PIK3CB: variants seen among roughly 807,000 people sequenced by gnomAD.
PIK3CB encodes phosphatidylinositol 4,5-bisphosphate 3-kinase catalytic subunit beta isoform.
In PIK3CB, 39 loss-of-function variants were observed where a neutral mutation model predicts 136.8. The observed-to-expected ratio is 0.29, with a 90% CI of 0.22 to 0.37. The LOEUF (loss-of-function observed/expected upper bound fraction) is 0.37. Among genes scored for constraint, PIK3CB ranks in the 10% least tolerant of loss-of-function variants. The pLI is 1.00. For missense variants in PIK3CB, 868 were observed against 1,275.4 expected (o/e 0.68, Z 4.87); for synonymous variants, 428 against 436.6 (o/e 0.98, Z 0.25).
In PIK3CB at chr3:138,749,920, C is replaced by T. The variant is rs184317484; in HGVS notation, c.397+5834G>A. ...ACAGGGTCTCACTCTGTCGCCCAGG[C>T]TGGAGTGCAGTGGCATGATCACAGC... On this transcript the variant is annotated intron_variant, in intron 4 of 23. Coordinates refer to ENST00000674063, the MANE Select transcript of PIK3CB (RefSeq NM_006219.3). Among the ~76,000 whole-genome samples, 1,522 of 152,280 alleles carry T rather than the reference C, an allele frequency of 1.0e-2. 15 individuals are homozygous for T. The highest frequency in any genetic ancestry group is 0.015 in the Non-Finnish European group (1,041 of 68,022).
chr3:138,767,185 CCAAAAACAAAAA>C (rs1222449172), intron 2 of PIK3CB, among the ~76,000 whole-genome samples: 1 of 151,910 alleles, frequency 6.6e-6, no homozygotes, highest in Non-Finnish European at 1.5e-5. Flanking sequence ...AAAAACGAAA[CCAAAAACAAAAA>C]CAAAAAACAA....
intron 2 of PIK3CB, chr3:138,769,999 C>CTT (rs1491193262): frequency 6.6e-6 from 1 of 152,138 alleles, no homozygotes; most frequent in African/African-American, 2.4e-5. Context: ...TAATTTTCCC[C>CTT]TTTTTCTTTT....
intron 16 of PIK3CB, among the ~76,000 whole-genome samples, chr3:138,687,604 G>C (rs2043921931): frequency 6.6e-6 from 1 of 152,050 alleles, no homozygotes; most frequent in Non-Finnish European, 1.5e-5. Context: ...CAAGTAGCTG[G>C]GACTACAGTT....
intron 1 of PIK3CB, among the ~76,000 whole-genome samples, chr3:138,824,042 A>G (rs1022602299): frequency 1.4e-4 from 21 of 152,178 alleles, no homozygotes; most frequent in African/African-American, 4.8e-4. Flanking sequence ...CACAACTGCC[A>G]TTACTTCTAA....
intron 8 of PIK3CB, among the ~76,000 whole-genome samples, chr3:138,715,251 A>AAAGGCCTAC (rs1318845028): frequency 6.6e-6 from 1 of 152,254 alleles, no homozygotes; most frequent in African/African-American, 2.4e-5. Flanking sequence ...CCTATATATC[A>AAAGGCCTAC]CGGTCCTTTG....
chr3:138,811,935 A>T (rs577280678), intron 1 of PIK3CB, among the ~76,000 whole-genome samples: 12 of 152,170 alleles, frequency 7.9e-5, no homozygotes, highest in Middle Eastern at 3.4e-3. Flanking sequence ...CAAAAATTTT[A>T]AAAAATTAGC....
intron 8 of PIK3CB, among the ~76,000 whole-genome samples, chr3:138,726,227 T>G (rs1667390002): frequency 6.6e-6 from 1 of 152,234 alleles, no homozygotes; most frequent in Non-Finnish European, 1.5e-5. Flanking sequence ...AGGAATAAGC[T>G]TATAAACACA....
chr3:138,712,121 A>G, intron 10 of PIK3CB, 87 bp downstream of exon 10: 3 of 550,594 alleles, frequency 5.4e-6, no homozygotes, highest in South Asian at 6.0e-5. Context: ...TATTAAATTG[A>G]AAGAACGGTG....
intron 1 of PIK3CB, among the ~76,000 whole-genome samples, chr3:138,820,071 TA>T (rs1438358784): frequency 6.6e-6 from 1 of 152,240 alleles, no homozygotes; most frequent in Non-Finnish European, 1.5e-5. Flanking sequence ...GGTTTTCACC[TA>T]TGTGAACTGA....
intron 8 of PIK3CB, among the ~76,000 whole-genome samples, chr3:138,727,410 T>C (rs1486040676): frequency 1.3e-5 from 2 of 152,310 alleles, no homozygotes; most frequent in African/African-American, 2.4e-5. Context: ...ATGAGAAAAT[T>C]TGATGCGTGA....
At chr3:138,829,817 G>A (rs1455977111) in intron 1 of PIK3CB, among the ~76,000 whole-genome samples, 1 of 152,018 alleles carries the variant, frequency 6.6e-6, no homozygotes, top group Non-Finnish European at 1.5e-5. Flanking sequence ...TGCTAGGGAA[G>A]GAATAAGAAT....
At chr3:138,663,303 C>T (rs2043336239) in intron 21 of PIK3CB, among the ~76,000 whole-genome samples, 2 of 152,196 alleles carry the variant, frequency 1.3e-5, no homozygotes. Context: ...ACATTATCCG[C>T]TCCTTCTGTT....
At position 138,714,517 on chromosome 3, in the gene PIK3CB, T is replaced by G; in HGVS notation, c.1253A>C (p.Lys418Thr). Residue 418 changes from lysine to threonine, a missense_variant, in exon 9 of 24, where the codon AAA becomes ACA. Physicochemically the swap from Lys to Thr is moderately conservative, Grantham distance 78 (BLOSUM62 -1). Around this residue, in one of 4 missense-constraint regions of PIK3CB, gnomAD observed 612 missense variants for 801.1 expected, o/e 0.76. Transcript: ENST00000674063. ...LDKVKTKKST[K>T]TINPSKYQTI... ...CTGATATTTAGAGGGATTAATAGTT[T>G]TCGTTGATTTCTTCGTTTTTACTTT... is the stretch of plus-strand genomic sequence containing the variant. 1 of 1,612,042 alleles carries G rather than the reference T, an allele frequency of 6.2e-7. No homozygotes were observed. Among genetic ancestry groups the G allele is most frequent in the South Asian group, 1.1e-5 (1 of 91,040 alleles).
rs202220571 is a variant in PIK3CB at position 138,742,722 on chromosome 3, G to C, written c.457C>G (p.Arg153Gly). The change falls in exon 5 of 24, where the codon CGC becomes GGC. Residue 153 changes from arginine to glycine, a missense_variant. This residue lies in a region of PIK3CB where 612 missense variants were observed against 801.1 expected (regional missense o/e 0.76). Coordinates refer to ENST00000674063, the MANE Select transcript of PIK3CB (RefSeq NM_006219.3). ...PEVNEFRRKM[R>G]KFSEEKILSL... is the part of the protein sequence containing the mutation. ...AGGATTTTTTCCTCGCTGAATTTGC[G>C]CATTTTTCTTCGAAATTCATTTACT... 6.2e-7 allele frequency: 1 copy of C among 1,613,262 alleles called. No individual in the cohort carries two copies. The highest frequency in any genetic ancestry group is 8.5e-7 in the Non-Finnish European group (1 of 1,179,506).
intron 4 of PIK3CB, 94 bp from the exon 5 acceptor site, chr3:138,742,875 G>T: frequency 1.7e-6 from 1 of 597,130 alleles, no homozygotes; most frequent in Non-Finnish European, 2.8e-6. Flanking sequence ...AAACTAACTT[G>T]GATGTTGGAT....
intron 2 of PIK3CB, among the ~76,000 whole-genome samples, chr3:138,762,488 A>C (rs2045675980): frequency 6.6e-6 from 1 of 152,198 alleles, no homozygotes; most frequent in African/African-American, 2.4e-5. Flanking sequence ...ACTTCCATAA[A>C]CACGAACAAA....
chr3:138,820,764 G>C (rs1933526133), intron 1 of PIK3CB, among the ~76,000 whole-genome samples: 1 of 152,144 alleles, frequency 6.6e-6, no homozygotes, highest in African/African-American at 2.4e-5. Context: ...AGAATGCTGG[G>C]ATTATAGGCA....
At position 138,668,615 on chromosome 3, in the gene PIK3CB, C is replaced by T. The variant is rs1377513562; in HGVS notation, c.2505-3412G>A. Among the ~76,000 whole-genome samples the T allele has an allele frequency of 5.9e-5, 9 of 152,200 alleles. No homozygotes were observed. The East Asian group carries it at 1.2e-3, about 19-fold the overall frequency. ...ACATTTAAAAATGAAATAAATTCTACAACACGGGGATGGCAGCTCCATATC... is the reference window on the plus strand; with the variant it reads ...ACATTTAAAAATGAAATAAATTCTATAACACGGGGATGGCAGCTCCATATC... On this transcript the variant is annotated intron_variant, in intron 19 of 23. Transcript: ENST00000674063.
intron 19 of PIK3CB, among the ~76,000 whole-genome samples, chr3:138,670,491 A>C (rs1409305732): frequency 6.6e-6 from 1 of 152,204 alleles, no homozygotes; most frequent in African/African-American, 2.4e-5. Flanking sequence ...CTCTTCCCAG[A>C]ATGAGCCAGA....
Sources: gnomAD v4.1 joint callset for allele counts (sites outside exome capture counted in the v4.1 genomes callset) on GRCh38, gnomAD v4.1.1 for gene constraint, gnomAD v4.1.1 regional missense constraint, MANE v1.5 for transcripts, NCBI Gene and HGNC (gene_info 2026-07-23, HGNC 2026-07-21) for gene names.